DPP10: variants seen among roughly 807,000 people sequenced by gnomAD.
The protein encoded by DPP10 is dipeptidyl peptidase like 10.
In DPP10, 33 loss-of-function variants were observed where a neutral mutation model predicts 120.9. That is an observed-to-expected ratio of 0.27 (90% confidence interval 0.21 to 0.37). The LOEUF is 0.37. DPP10 is among the 10% of genes least tolerant of loss of function. The pLI is 1.00. For missense variants in DPP10, 816 were observed against 942.8 expected (o/e 0.87, Z 1.76); for synonymous variants, 337 against 326.1 (o/e 1.03, Z -0.36).
chr2:115,340,862 T>C (rs1308652384), intron 2 of DPP10, among the ~76,000 whole-genome samples: 2 of 152,036 alleles, frequency 1.3e-5, no homozygotes, highest in Non-Finnish European at 2.9e-5. Flanking sequence ...CTCCCACCTT[T>C]ACCTATGTAA....
intron 7 of DPP10, among the ~76,000 whole-genome samples, chr2:115,713,265 C>G (rs1269760627): frequency 6.6e-6 from 1 of 151,928 alleles, no homozygotes; most frequent in East Asian, 1.9e-4. Context: ...TCAGTTATGG[C>G]AAAGAAGGAG....
chr2:114,597,326 G>A (rs1691996764), intron 1 of DPP10, among the ~76,000 whole-genome samples: 1 of 151,984 alleles, frequency 6.6e-6, no homozygotes, highest in South Asian at 2.1e-4. Context: ...ACATAATTCA[G>A]TCTTACAAGT....
intron 1 of DPP10, among the ~76,000 whole-genome samples, chr2:114,467,328 G>A (rs571299594): frequency 3.9e-5 from 6 of 152,290 alleles, no homozygotes; most frequent in South Asian, 2.1e-4. Flanking sequence ...CCTTCTAGAC[G>A]CTTAAGAAGA....
At chr2:114,795,433 G>A (rs1395174923) in intron 1 of DPP10, among the ~76,000 whole-genome samples, 1 of 151,990 alleles carries the variant, frequency 6.6e-6, no homozygotes, top group African/African-American at 2.4e-5. Context: ...GGAGGTTTCA[G>A]TGAGCCGAGA....
intron 1 of DPP10, among the ~76,000 whole-genome samples, chr2:114,520,444 T>G (rs1383820180): frequency 6.6e-6 from 1 of 152,206 alleles, no homozygotes; most frequent in East Asian, 1.9e-4. Context: ...GCCACCACTT[T>G]TGTCTGTAAA....
intron 1 of DPP10, among the ~76,000 whole-genome samples, chr2:114,806,590 C>A (rs1169319037): frequency 6.6e-6 from 1 of 152,108 alleles, no homozygotes; most frequent in African/African-American, 2.4e-5. Context: ...GTTCTTAGAT[C>A]GTTATGAGTT....
chr2:115,603,155 TG>T (rs1212939907), intron 5 of DPP10, among the ~76,000 whole-genome samples: 1 of 151,636 alleles, frequency 6.6e-6, no homozygotes, highest in African/African-American at 2.4e-5. Flanking sequence ...TGTGTGTGTG[TG>T]TGTGTGTGTG....
chr2:114,826,936 C>T (rs1201948539), intron 1 of DPP10, among the ~76,000 whole-genome samples: 4 of 152,148 alleles, frequency 2.6e-5, no homozygotes, highest in Non-Finnish European at 5.9e-5. Flanking sequence ...GAGACAACTT[C>T]GCAAGGCCAG....
intron 4 of DPP10, among the ~76,000 whole-genome samples, chr2:115,507,017 T>TACAC (rs2076979585): frequency 1.4e-5 from 2 of 144,504 alleles, no homozygotes; most frequent in African/African-American, 5.3e-5. Flanking sequence ...TTGGCTGCAT[T>TACAC]ACACACACAC....
chr2:115,832,301 C>A (rs191528728), intron 21 of DPP10, among the ~76,000 whole-genome samples: 3 of 152,264 alleles, frequency 2.0e-5, no homozygotes, highest in Admixed American at 1.3e-4. Context: ...CCAGCCTGGG[C>A]AGCCATGGCA....
At chr2:114,471,890 C>T (rs1056191747) in intron 1 of DPP10, among the ~76,000 whole-genome samples, 8 of 152,254 alleles carry the variant, frequency 5.3e-5, no homozygotes, top group African/African-American at 1.9e-4. Context: ...GCTAGAAATC[C>T]GGTTAGAAAA....
At chr2:114,716,174 A>G (rs1325484401) in intron 1 of DPP10, among the ~76,000 whole-genome samples, 1 of 152,168 alleles carries the variant, frequency 6.6e-6, no homozygotes, top group Non-Finnish European at 1.5e-5. Context: ...TATAAGAAAG[A>G]AAATTTAAAA....
At chr2:114,561,601 G>A (rs781174044) in intron 1 of DPP10, among the ~76,000 whole-genome samples, 1 of 150,550 alleles carries the variant, frequency 6.6e-6, no homozygotes, top group African/African-American at 2.4e-5. Flanking sequence ...TTTACTTTTA[G>A]AGAAAAAATC....
In DPP10 at chr2:115,656,251, G is replaced by A. The variant is rs1001684977; in HGVS notation, c.442-33436G>A. Among the ~76,000 whole-genome samples the A allele has an allele frequency of 4.6e-5, 7 of 151,276 alleles. No homozygotes were observed. The South Asian group carries it at 1.5e-3, about 31-fold the overall frequency. ...ATCAAATTGTATATATTTAATATGT[G>A]CAGTTCATGTGTATCAATTATATAT... On this transcript the variant is annotated intron_variant, in intron 5 of 25. Coordinates refer to ENST00000410059, the MANE Select transcript of DPP10 (RefSeq NM_020868.6).
chr2:115,577,008 ATC>A (rs2081711613), intron 5 of DPP10, among the ~76,000 whole-genome samples: 1 of 152,206 alleles, frequency 6.6e-6, no homozygotes, highest in Non-Finnish European at 1.5e-5. Context: ...TACTCAGATA[ATC>A]TCTCTTTTCC....
intron 1 of DPP10, among the ~76,000 whole-genome samples, chr2:114,538,859 A>G: frequency 6.6e-6 from 1 of 152,160 alleles, no homozygotes; most frequent in Non-Finnish European, 1.5e-5. Flanking sequence ...TGCTGGGGCA[A>G]AAGAAGAGAA....
intron 1 of DPP10, among the ~76,000 whole-genome samples, chr2:114,652,928 A>T (rs1395897250): frequency 1.3e-5 from 2 of 150,084 alleles, no homozygotes; most frequent in Admixed American, 6.7e-5. Flanking sequence ...TACTCCACCC[A>T]TCTAGATGCC....
At chr2:114,523,391 C>A (rs1216156918) in intron 1 of DPP10, among the ~76,000 whole-genome samples, 1 of 152,126 alleles carries the variant, frequency 6.6e-6, no homozygotes, top group Admixed American at 6.5e-5. Context: ...GGGGCTTTAG[C>A]ACCAGCACCC....
At chr2:115,827,845 C>T (rs1434558225) in intron 21 of DPP10, among the ~76,000 whole-genome samples, 4 of 151,906 alleles carry the variant, frequency 2.6e-5, no homozygotes, top group South Asian at 4.1e-4. Context: ...GATCCACAAG[C>T]GTCGGCCTCC....
Sources: gnomAD v4.1 joint callset for allele counts (sites outside exome capture counted in the v4.1 genomes callset) on GRCh38, gnomAD v4.1.1 for gene constraint, MANE v1.5 for transcripts, NCBI Gene and HGNC (gene_info 2026-07-23, HGNC 2026-07-21) for gene names.